CCSER1: variants seen among roughly 807,000 people sequenced by gnomAD.
CCSER1 encodes the protein coiled-coil serine rich protein 1.
CCSER1 carries 41 observed loss-of-function variants against 82.0 expected under a neutral mutation model. That is an observed-to-expected ratio of 0.50 (90% CI 0.39 to 0.65). CCSER1 has a LOEUF of 0.65. Among genes scored for constraint, CCSER1 ranks in the 30% least tolerant of loss-of-function variants. CCSER1 has a pLI of 0.00. For synonymous variants in CCSER1, 414 were observed against 383.9 expected (o/e 1.08, Z -0.92); for missense variants, 1,119 against 1,064.2 (o/e 1.05, Z -0.72).
Position 91,294,469 on chromosome 4 carries a change from G to A in CCSER1, c.2217+208475G>A, listed in dbSNP as rs150555533. Reference sequence around the variant, plus strand: ...CTGCTTGTCTTAGTTTCCTAGGCCTGCCTAACAAGTTACCACAAACTCAGT... The same window carrying A: ...CTGCTTGTCTTAGTTTCCTAGGCCTACCTAACAAGTTACCACAAACTCAGT... On this transcript the variant is annotated intron_variant, in intron 10 of 10. Coordinates refer to ENST00000509176, the MANE Select transcript of CCSER1 (RefSeq NM_001145065.2). 2.9e-3 allele frequency among the ~76,000 whole-genome samples: 443 copies of A among 151,788 alleles called. 1 individual carries two copies. The highest frequency in any genetic ancestry group is 9.9e-3 in the African/African-American group (412 of 41,454).
chr4:90,969,182 G>A (rs1269022544), intron 9 of CCSER1, among the ~76,000 whole-genome samples: 2 of 151,734 alleles, frequency 1.3e-5, no homozygotes, highest in African/African-American at 2.4e-5. Flanking sequence ...AAATGAAACA[G>A]TATACACATT....
At chr4:90,724,655 A>T in intron 7 of CCSER1, 1 of 386,670 alleles carries the variant, frequency 2.6e-6, no homozygotes, top group Non-Finnish European at 5.1e-6. Context: ...TATTAGGATT[A>T]TTATAAATAA....
chr4:90,526,793 C>T (rs1215415833), intron 5 of CCSER1, among the ~76,000 whole-genome samples: 3 of 152,138 alleles, frequency 2.0e-5, no homozygotes, highest in African/African-American at 7.2e-5. Context: ...TGGGTTGGTT[C>T]CAAGTCTTCA....
chr4:91,040,884 A>G (rs914637199), intron 9 of CCSER1, among the ~76,000 whole-genome samples: 12 of 152,218 alleles, frequency 7.9e-5, no homozygotes, highest in African/African-American at 2.4e-4. Context: ...TATTTTTAAA[A>G]AGCTTTATTT....
At chr4:91,006,524 C>G (rs1379691328) in intron 9 of CCSER1, among the ~76,000 whole-genome samples, 1 of 149,950 alleles carries the variant, frequency 6.7e-6, no homozygotes, top group Admixed American at 6.6e-5. Flanking sequence ...GAGTCTCGCT[C>G]TGTCACCCAG....
At chr4:90,573,826 A>G (rs111741846) in intron 5 of CCSER1, among the ~76,000 whole-genome samples, 5,705 of 152,286 alleles carry the variant, frequency 0.037, 361 homozygotes, top group African/African-American at 0.13. Context: ...ACCTGCTTCT[A>G]TGTGAGCACC....
At chr4:90,840,544 C>T (rs894618166) in intron 8 of CCSER1, among the ~76,000 whole-genome samples, 5 of 152,066 alleles carry the variant, frequency 3.3e-5, no homozygotes, top group South Asian at 4.1e-4. Flanking sequence ...TGAAGTAGAC[C>T]GCCCTGCATT....
chr4:90,181,251 A>G lies in CCSER1; in HGVS notation c.-42+53420A>G, dbSNP rs541831618. ...AAAAAAAAGGAATTTCCTTGTACAA[A>G]GTAAGCATTTGATAATAATCAGCTA... On this transcript the variant is annotated intron_variant, in intron 1 of 10. Transcript: ENST00000509176. Among the ~76,000 whole-genome samples the G allele has an allele frequency of 5.4e-4, 83 of 152,342 alleles. No individual in the cohort carries two copies. The South Asian group carries it at 0.017, about 31-fold the overall frequency.
intron 3 of CCSER1, among the ~76,000 whole-genome samples, chr4:90,332,293 G>A (rs1739449215): frequency 6.6e-6 from 1 of 151,556 alleles, no homozygotes; most frequent in Non-Finnish European, 1.5e-5. Flanking sequence ...CTGGAGTGCA[G>A]TGGCTTGATT....
chr4:91,533,779 C>T (rs919259940), intron 10 of CCSER1, among the ~76,000 whole-genome samples: 14 of 151,830 alleles, frequency 9.2e-5, no homozygotes, highest in South Asian at 2.1e-4. Flanking sequence ...ATTTCCCAAT[C>T]GTAATTTTTA....
At chr4:90,173,748 T>C (rs1273976271) in intron 1 of CCSER1, among the ~76,000 whole-genome samples, 2 of 151,918 alleles carry the variant, frequency 1.3e-5, no homozygotes, top group Admixed American at 1.3e-4. Flanking sequence ...AAGAAAACAA[T>C]CATTTTCTCC....
chr4:91,165,136 T>A (rs1051054093), intron 10 of CCSER1, among the ~76,000 whole-genome samples: 1 of 152,224 alleles, frequency 6.6e-6, no homozygotes, highest in Non-Finnish European at 1.5e-5. Flanking sequence ...TCCTTTTTGT[T>A]GATCTTGATG....
chr4:90,177,275 G>A (rs1217273863), intron 1 of CCSER1, among the ~76,000 whole-genome samples: 1 of 152,100 alleles, frequency 6.6e-6, no homozygotes, highest in Non-Finnish European at 1.5e-5. Flanking sequence ...TGAAGTTGTG[G>A]ATCTCTGACA....
chr4:90,389,023 C>A (rs1386145109), intron 3 of CCSER1, among the ~76,000 whole-genome samples: 2 of 152,134 alleles, frequency 1.3e-5, no homozygotes, highest in Non-Finnish European at 2.9e-5. Flanking sequence ...AAACTTGTAT[C>A]TTAATTACAG....
chr4:90,516,557 A>G lies in CCSER1; in HGVS notation c.1724+48203A>G, dbSNP rs978585166. On this transcript the variant is annotated intron_variant, in intron 5 of 10. Coordinates refer to ENST00000509176, the MANE Select transcript of CCSER1 (RefSeq NM_001145065.2). ...ACACTCAGCTAGAGCAAATCCAAAT[A>G]AAGGGAAACAGGAAAATAGATTCCT... Among the ~76,000 whole-genome samples the G allele has an allele frequency of 1.4e-4, 21 of 152,278 alleles. 2 individuals carry two copies. The highest frequency in any genetic ancestry group is 4.3e-4 in the African/African-American group (18 of 41,552).
At chr4:90,488,225 A>T (rs1191376055) in intron 5 of CCSER1, among the ~76,000 whole-genome samples, 1 of 152,140 alleles carries the variant, frequency 6.6e-6, no homozygotes, top group Non-Finnish European at 1.5e-5. Context: ...TCTGTTGCCC[A>T]GGCTGGAGTA....
intron 8 of CCSER1, among the ~76,000 whole-genome samples, chr4:90,820,596 CTG>C (rs1357270249): frequency 6.6e-6 from 1 of 152,134 alleles, no homozygotes; most frequent in East Asian, 1.9e-4. Context: ...CTTCCCAACA[CTG>C]TTTGGGATTA....
intron 1 of CCSER1, among the ~76,000 whole-genome samples, chr4:90,250,112 TC>T (rs987900550): frequency 1.9e-4 from 29 of 152,120 alleles, no homozygotes; most frequent in African/African-American, 6.3e-4. Context: ...AGTTGAGAGG[TC>T]CTTAAAATAT....
At chr4:91,540,030 G>A (rs1000626735) in intron 10 of CCSER1, among the ~76,000 whole-genome samples, 2 of 152,042 alleles carry the variant, frequency 1.3e-5, no homozygotes, top group African/African-American at 4.8e-5. Context: ...ATTTTAATAA[G>A]AGCTTACAAA....
Sources: allele counts gnomAD v4.1 joint callset (sites outside exome capture counted in the v4.1 genomes callset), GRCh38; gene constraint gnomAD v4.1.1; transcripts MANE v1.5; gene names NCBI Gene and HGNC (gene_info 2026-07-23, HGNC 2026-07-21).